CRB1: variants seen among roughly 807,000 people sequenced by gnomAD.
CRB1 encodes the protein crumbs cell polarity complex component 1.
A neutral mutation model predicts 120.0 loss-of-function variants in CRB1; 83 were observed. That is an observed-to-expected ratio of 0.69 (90% CI 0.58 to 0.83). CRB1 has a LOEUF of 0.83. Among genes scored for constraint, CRB1 ranks in the 40% least tolerant of loss-of-function variants. CRB1 has a pLI of 0.00. For missense variants in CRB1, 1,699 were observed against 1,687.6 expected, an observed-to-expected ratio of 1.01 and a Z score of -0.12; for synonymous variants, 625 against 612.5, an observed-to-expected ratio of 1.02 and a Z score of -0.30.
intron 11 of CRB1, among the ~76,000 whole-genome samples, chr1:197,447,166 A>T (rs1391520785): frequency 6.6e-6 from 1 of 152,156 alleles, no homozygotes; most frequent in Non-Finnish European, 1.5e-5. Context: ...TGTCAGCCAG[A>T]GATGTGGTCT....
chr1:197,445,417 G>A (rs551874043), intron 11 of CRB1, among the ~76,000 whole-genome samples: 1 of 152,236 alleles, frequency 6.6e-6, no homozygotes, highest in East Asian at 1.9e-4. Context: ...AGTGTTTGAG[G>A]AGGAGAGACA....
intron 5 of CRB1, among the ~76,000 whole-genome samples, chr1:197,407,999 A>T (rs185439607): frequency 3.9e-5 from 6 of 152,210 alleles, no homozygotes; most frequent in African/African-American, 1.2e-4. Flanking sequence ...CACACATTTC[A>T]TCAAGATATA....
chr1:197,277,636 T>C (rs1209060187), intron 1 of CRB1, among the ~76,000 whole-genome samples: 2 of 152,056 alleles, frequency 1.3e-5, no homozygotes, highest in African/African-American at 4.8e-5. Flanking sequence ...TTTCTGTCTA[T>C]AATTTTCATT....
At chr1:197,324,173 G>A (rs761226599) in intron 1 of CRB1, among the ~76,000 whole-genome samples, 5 of 152,140 alleles carry the variant, frequency 3.3e-5, no homozygotes, top group Non-Finnish European at 7.3e-5. Context: ...ATTAATTGTG[G>A]TTGATGATGA....
chr1:197,356,804 C>T (rs1274569318), intron 4 of CRB1, 27 bp from the exon 5 acceptor site: 3 of 1,612,798 alleles, frequency 1.9e-6, no homozygotes, highest in Non-Finnish European at 1.7e-6. Flanking sequence ...TTTGACTTAG[C>T]AGCTTCTCTG....
chr1:197,346,880 T>G (rs1477821238), intron 3 of CRB1, among the ~76,000 whole-genome samples: 1 of 152,200 alleles, frequency 6.6e-6, no homozygotes, highest in African/African-American at 2.4e-5. Context: ...TCACTTTTCA[T>G]ATGGAACCTT....
chr1:197,213,721 CAG>C, the CRB1 span, among the ~76,000 whole-genome samples: 3 of 152,036 alleles, frequency 2.0e-5, no homozygotes, highest in Non-Finnish European at 4.4e-5. Flanking sequence ...AAATCAATAA[CAG>C]GGAGAATATT....
chr1:197,459,959 C>T (rs560320238), intron 11 of CRB1, among the ~76,000 whole-genome samples: 17 of 146,034 alleles, frequency 1.2e-4, no homozygotes, highest in African/African-American at 4.3e-4. Context: ...GAAGTTTTCA[C>T]TAGGCATAGT....
At chr1:197,354,971 T>G (rs1660382337) in intron 4 of CRB1, among the ~76,000 whole-genome samples, 1 of 150,114 alleles carries the variant, frequency 6.7e-6, no homozygotes, top group South Asian at 2.1e-4. Flanking sequence ...TTTTCAAACC[T>G]CGAGCTAGAC....
chr1:197,356,930 A>G lies in CRB1; in HGVS notation c.1088A>G (p.Tyr363Cys), dbSNP rs777307187. The G allele has an allele frequency of 6.2e-7, 1 of 1,614,214 alleles. No individual in the cohort carries two copies. Residue 363 changes from tyrosine (Y) to cysteine (C), a missense_variant, in exon 5 of 12, where the codon TAT becomes TGT. By Grantham distance (194) the Tyr-to-Cys change is radical. Transcript: ENST00000367400. ...GTGGAGCTGTCCTCAGAGAAACAAT[A>G]TGGACGCATCACTGGACTGCCTTCT... ...ECVELSSEKQYGRITGLPSSF... is the reference protein window; with the variant it reads ...ECVELSSEKQCGRITGLPSSF...
intron 1 of CRB1, among the ~76,000 whole-genome samples, chr1:197,307,588 A>AT (rs1325689346): frequency 6.6e-6 from 1 of 152,190 alleles, no homozygotes; most frequent in Non-Finnish European, 1.5e-5. Flanking sequence ...TAATAGCCAC[A>AT]TCCAATCACT....
chr1:197,449,564 C>T (rs1296984321), intron 11 of CRB1, among the ~76,000 whole-genome samples: 1 of 152,066 alleles, frequency 6.6e-6, no homozygotes, highest in Non-Finnish European at 1.5e-5. Flanking sequence ...GACGGGATTT[C>T]ACCGTGTTAG....
At chr1:197,458,800 A>G (rs1348556306) in intron 11 of CRB1, among the ~76,000 whole-genome samples, 1 of 152,172 alleles carries the variant, frequency 6.6e-6, no homozygotes, top group Admixed American at 6.6e-5. Context: ...ACTTTCAAGG[A>G]AACTATAATC....
chr1:197,410,852 TG>T (rs1663673829), intron 5 of CRB1, among the ~76,000 whole-genome samples: 1 of 152,230 alleles, frequency 6.6e-6, no homozygotes, highest in South Asian at 2.1e-4. Flanking sequence ...TCTCTAAATC[TG>T]CACAGCTTCA....
intron 1 of CRB1, among the ~76,000 whole-genome samples, chr1:197,282,085 A>C (rs975909780): frequency 1.3e-5 from 2 of 151,636 alleles, no homozygotes; most frequent in Non-Finnish European, 2.9e-5. Flanking sequence ...AAAGAAAATC[A>C]AGTCTCTGAA....
intron 11 of CRB1, among the ~76,000 whole-genome samples, chr1:197,456,969 T>C (rs1666311432): frequency 6.6e-6 from 1 of 152,156 alleles, no homozygotes; most frequent in Non-Finnish European, 1.5e-5. Context: ...AATCATGTCC[T>C]TTTCTTCCAT....
intron 1 of CRB1, among the ~76,000 whole-genome samples, chr1:197,302,778 C>T (rs1012077865): frequency 6.6e-6 from 1 of 152,196 alleles, no homozygotes. Flanking sequence ...ACACAAGAGC[C>T]CCTTTAGGTC....
chr1:197,375,489 C>T (rs1367206964), intron 5 of CRB1, among the ~76,000 whole-genome samples: 1 of 152,050 alleles, frequency 6.6e-6, no homozygotes, highest in East Asian at 1.9e-4. Flanking sequence ...TGAGAGATGG[C>T]CTGGGTAGAA....
intron 1 of CRB1, among the ~76,000 whole-genome samples, chr1:197,323,688 T>C (rs1022364141): frequency 2.0e-5 from 3 of 152,222 alleles, no homozygotes; most frequent in Non-Finnish European, 2.9e-5. Context: ...CATTTAGTCA[T>C]GTTCTAAGGA....
Sources: gnomAD v4.1 joint callset for allele counts (sites outside exome capture counted in the v4.1 genomes callset) on GRCh38, gnomAD v4.1.1 for gene constraint, MANE v1.5 for transcripts, NCBI Gene and HGNC (gene_info 2026-07-23, HGNC 2026-07-21) for gene names.